The following CPLX2 variants were observed in gnomAD, a reference collection of about 807,000 sequenced individuals.
CPLX2 encodes the protein complexin-2.
CPLX2 carries 5 observed loss-of-function variants against 16.3 expected under a neutral mutation model. The observed-to-expected ratio is 0.31, with a 90% CI of 0.16 to 0.64. The LOEUF (loss-of-function observed/expected upper bound fraction) is 0.64, where lower values mean the gene tolerates loss of function less well. Among genes scored for constraint, CPLX2 ranks in the 30% least tolerant of loss-of-function variants. The pLI is 0.79. For synonymous variants in CPLX2, 89 were observed against 73.2 expected, an observed-to-expected ratio of 1.22 and a Z score of -1.10; for missense variants, 144 against 181.4, an observed-to-expected ratio of 0.79 and a Z score of 1.18.
At chr5:175,828,972 G>A (rs1758674950) in intron 2 of CPLX2, among the ~76,000 whole-genome samples, 1 of 152,056 alleles carries the variant, frequency 6.6e-6, no homozygotes, top group African/African-American at 2.4e-5. Context: ...CTAACCACTG[G>A]AGCCAGACGC....
chr5:175,874,945 G>A (rs913166925), intron 1 of CPLX2, among the ~76,000 whole-genome samples: 1 of 152,168 alleles, frequency 6.6e-6, no homozygotes, highest in East Asian at 1.9e-4. Flanking sequence ...TGGAATTCAG[G>A]AGGAGATTCC....
chr5:175,797,775 C>G (rs1256759890), intron 1 of CPLX2, among the ~76,000 whole-genome samples: 3 of 152,150 alleles, frequency 2.0e-5, no homozygotes, highest in African/African-American at 7.2e-5. Flanking sequence ...AGGGGGCGAC[C>G]CAGACAGCAG....
rs777700730 is a variant in CPLX2 at position 175,809,809 on chromosome 5, C to T, written c.-89+741C>T. On this transcript the variant is annotated intron_variant, in intron 2 of 4. Coordinates refer to the CPLX2 transcript ENST00000359546. The surrounding 1 kb of genome is among the most constrained non-coding windows in gnomAD (Gnocchi z 4.4). ...TTGTAAACTTGTTTCTTTAAATAAA[C>T]AGTCTTGAGTTTCATACCAAATAGT... Among the ~76,000 whole-genome samples, 1 of 152,196 alleles carries T rather than the reference C, an allele frequency of 6.6e-6. No homozygotes were observed. Among genetic ancestry groups the T allele is most frequent in the East Asian group, 1.9e-4 (1 of 5,194 alleles).
chr5:175,803,185 A>T (rs1303011407), intron 1 of CPLX2, among the ~76,000 whole-genome samples: 1 of 152,136 alleles, frequency 6.6e-6, no homozygotes, highest in Non-Finnish European at 1.5e-5. Flanking sequence ...TTATCATCCC[A>T]TTTCCCAAAT....
chr5:175,846,381 A>G (rs1414231558), intron 2 of CPLX2, among the ~76,000 whole-genome samples: 1 of 152,158 alleles, frequency 6.6e-6, no homozygotes, highest in Non-Finnish European at 1.5e-5. Flanking sequence ...CTCTGCCTGT[A>G]TGACCTTGGG....
chr5:175,875,085 G>A (rs1214906399), intron 1 of CPLX2, among the ~76,000 whole-genome samples: 2 of 152,192 alleles, frequency 1.3e-5, no homozygotes, highest in Non-Finnish European at 2.9e-5. Context: ...ACTGATTACC[G>A]CAGTTTCAGG....
rs1260048853 is a variant in CPLX2 at position 175,879,075 on chromosome 5, C to A, written c.199C>A (p.Arg67=). ...GCGGGAGAAGGTCCGGCAGCAGATC[C>A]GAGATAAGGTCAGCTCCGCCCGCCC... ...AEREKVRQQI[R]DKYGLKKKEE... Residue 67 remains arginine (R), a synonymous_variant, in exon 3 of 4, where the codon CGA becomes AGA. Transcript: ENST00000393745. 1 of 1,572,926 alleles carries A rather than the reference C, an allele frequency of 6.4e-7. No homozygotes were observed. Among genetic ancestry groups the A allele is most frequent in the Non-Finnish European group, 8.6e-7 (1 of 1,159,844 alleles).
upstream of CPLX2, chr5:175,871,437 G>GAGAGAGAGAGAGAGAA (rs1759601377): frequency 1.6e-5 from 1 of 63,480 alleles, no homozygotes; most frequent in African/African-American, 5.4e-5. Context: ...GAGAGACAGA[G>GAGAGAGAGAGAGAGAA]AGAGAGAGAG....
At chr5:175,866,168 T>C (rs1759473093) in intron 2 of CPLX2, among the ~76,000 whole-genome samples, 3 of 152,324 alleles carry the variant, frequency 2.0e-5, no homozygotes, top group East Asian at 1.9e-4. Context: ...AAGCAAACTT[T>C]GATGCTACAC....
chr5:175,860,000 A>G (rs1190896265), intron 2 of CPLX2, among the ~76,000 whole-genome samples: 1 of 152,232 alleles, frequency 6.6e-6, no homozygotes, highest in Non-Finnish European at 1.5e-5. Flanking sequence ...ATTGGCTCAC[A>G]TAACTGAAAA....
intron 2 of CPLX2, among the ~76,000 whole-genome samples, chr5:175,825,639 G>A (rs906470474): frequency 1.3e-5 from 2 of 152,134 alleles, no homozygotes; most frequent in African/African-American, 4.8e-5. Flanking sequence ...TAAGACAAGG[G>A]TTGAGAGTGG....
intron 2 of CPLX2, among the ~76,000 whole-genome samples, chr5:175,854,012 G>A (rs1759205329): frequency 6.6e-6 from 1 of 152,156 alleles, no homozygotes; most frequent in Admixed American, 6.6e-5. Flanking sequence ...CCTGGCATCA[G>A]CCTGGGAAAG....
chr5:175,804,240 G>C (rs1758154760), intron 1 of CPLX2, among the ~76,000 whole-genome samples: 1 of 152,212 alleles, frequency 6.6e-6, no homozygotes, highest in Non-Finnish European at 1.5e-5. Flanking sequence ...TAACTGCAGG[G>C]ACACTGCCTG....
At chr5:175,816,518 A>C (rs1758412157) in intron 2 of CPLX2, among the ~76,000 whole-genome samples, 1 of 152,216 alleles carries the variant, frequency 6.6e-6, no homozygotes, top group Non-Finnish European at 1.5e-5. Context: ...GATTCTTCTC[A>C]CAGGCCGTTG....
intron 2 of CPLX2, among the ~76,000 whole-genome samples, chr5:175,861,028 T>C (rs1368734647): frequency 1.3e-5 from 2 of 148,922 alleles, no homozygotes; most frequent in Non-Finnish European, 3.0e-5. Flanking sequence ...AAGAGGCAAG[T>C]GCAAGATTTA....
chr5:175,878,278 C>CA (rs1755456773), intron 1 of CPLX2: 1 of 157,816 alleles, frequency 6.3e-6, no homozygotes, highest in Non-Finnish European at 1.4e-5. Context: ...GGGACTCGAG[C>CA]AGGTTAGGGC....
At chr5:175,859,655 G>A (rs1311575414) in intron 2 of CPLX2, among the ~76,000 whole-genome samples, 3 of 152,250 alleles carry the variant, frequency 2.0e-5, no homozygotes, top group Non-Finnish European at 1.5e-5. Flanking sequence ...ATCTTTGAGG[G>A]GGTGTGGAGA....
chr5:175,842,630 T>C (rs1277612430), intron 2 of CPLX2, among the ~76,000 whole-genome samples: 1 of 152,126 alleles, frequency 6.6e-6, no homozygotes, highest in East Asian at 1.9e-4. Flanking sequence ...CACTCCAGGG[T>C]TCCCCTAATC....
chr5:175,851,708 C>T (rs917587367), intron 2 of CPLX2, among the ~76,000 whole-genome samples: 5 of 152,240 alleles, frequency 3.3e-5, no homozygotes, highest in Non-Finnish European at 7.3e-5. Context: ...GTGCCACTGG[C>T]ACAGGATATC....
Sources: allele counts gnomAD v4.1 joint callset (sites outside exome capture counted in the v4.1 genomes callset), GRCh38; gene constraint gnomAD v4.1.1; non-coding constraint Gnocchi (gnomAD v3.1); transcripts MANE v1.5; gene names NCBI Gene and HGNC (gene_info 2026-07-23, HGNC 2026-07-21).